Variants in FAM240A observed in about 807,000 individuals in gnomAD.
FAM240A encodes family with sequence similarity 240 member A.
In FAM240A, 8 loss-of-function variants were observed where a neutral mutation model predicts 7.3. The observed-to-expected ratio is 1.09, with a 90% confidence interval of 0.64 to 1.97. FAM240A has a LOEUF of 1.97. FAM240A is among the 30% of genes most tolerant of loss of function. The pLI, the probability that FAM240A is intolerant of heterozygous loss-of-function variation, is 0.00. For missense variants in FAM240A, 90 were observed against 102.2 expected, an observed-to-expected ratio of 0.88 and a Z score of 0.52; for synonymous variants, 32 against 35.9, an observed-to-expected ratio of 0.89 and a Z score of 0.38.
intron 1 of FAM240A, among the ~76,000 whole-genome samples, chr3:46,616,537 A>G (rs913322059): frequency 4.6e-5 from 7 of 152,116 alleles, no homozygotes; most frequent in Non-Finnish European, 7.3e-5. Context: ...TTGCCTTTAT[A>G]AACCCGTGGC....
chr3:46,616,037 C>T (rs908182184), intron 1 of FAM240A, among the ~76,000 whole-genome samples: 7 of 152,182 alleles, frequency 4.6e-5, no homozygotes, highest in East Asian at 3.8e-4. Flanking sequence ...GTTGTGATAA[C>T]GAAATGGACT....
At chr3:46,622,106 CTTTTTTTT>C (rs1171256555) in intron 2 of FAM240A, among the ~76,000 whole-genome samples, 1 of 79,676 alleles carries the variant, frequency 1.3e-5, no homozygotes, top group Non-Finnish European at 2.5e-5. Flanking sequence ...AGAAAATTTT[CTTTTTTTT>C]TTTTTTTTTT....
intron 2 of FAM240A, among the ~76,000 whole-genome samples, chr3:46,619,554 C>G (rs1697672616): frequency 6.6e-6 from 1 of 152,190 alleles, no homozygotes; most frequent in Non-Finnish European, 1.5e-5. Flanking sequence ...GACACAGATG[C>G]TGCCGTCTCC....
chr3:46,618,441 T>C (rs927232430), intron 2 of FAM240A, among the ~76,000 whole-genome samples: 1 of 152,092 alleles, frequency 6.6e-6, no homozygotes, highest in Non-Finnish European at 1.5e-5. Flanking sequence ...GAAGTGAAAT[T>C]GGCCCAAGGA....
rs918335952 is a variant in FAM240A at position 46,622,417 on chromosome 3, C to A, written c.162-2711C>A. The stretch of plus-strand genomic sequence containing the variant: ...CACCGCGCCCGGCTGAGAAAAATTT[C>A]TTTTACAGATTTTGCTTTTGTTGTA... On this transcript the variant is annotated intron_variant, in intron 2 of 2. Coordinates refer to ENST00000640551, the MANE Select transcript of FAM240A (RefSeq NM_001195442.2). Among the ~76,000 whole-genome samples the A allele has an allele frequency of 1.8e-4, 27 of 152,084 alleles. 1 individual carries two copies. The highest frequency in any genetic ancestry group is 1.5e-5 in the Non-Finnish European group (1 of 68,008).
intron 1 of FAM240A, among the ~76,000 whole-genome samples, chr3:46,615,848 ACG>A (rs1207858483): frequency 6.6e-6 from 1 of 150,970 alleles, no homozygotes; most frequent in African/African-American, 2.4e-5. Context: ...ACATGTGTGC[ACG>A]CACACACACA....
chr3:46,618,357 G>A (rs967147514), intron 2 of FAM240A, among the ~76,000 whole-genome samples: 17 of 152,130 alleles, frequency 1.1e-4, no homozygotes, highest in South Asian at 2.1e-4. Context: ...TGCCATCTTC[G>A]TCCCCCAGGC....
In FAM240A at chr3:46,612,668, G is replaced by A. The variant is rs1370775306; in HGVS notation, c.-16G>A. 1.3e-6 allele frequency: 2 copies of A among 1,535,410 alleles called. No homozygotes were observed. Among genetic ancestry groups the A allele is most frequent in the Middle Eastern group, 1.7e-4 (1 of 6,012 alleles). ...ACACATTTGGTTCGACTGAATCGAT[G>A]TCTTCACATCCCTTCATGCGGTTGT... On this transcript the variant is annotated 5_prime_UTR_variant, in exon 1 of 3. It removes an upstream start codon present in the reference 5' UTR. Coordinates refer to ENST00000640551, the MANE Select transcript of FAM240A (RefSeq NM_001195442.2).
intron 1 of FAM240A, among the ~76,000 whole-genome samples, chr3:46,615,559 G>A (rs1697618609): frequency 6.6e-6 from 1 of 152,044 alleles, no homozygotes; most frequent in African/African-American, 2.4e-5. Context: ...CAGAACATCT[G>A]GCAAAATGCC....
At chr3:46,613,424 G>A (rs1697589962) in intron 1 of FAM240A, among the ~76,000 whole-genome samples, 1 of 152,110 alleles carries the variant, frequency 6.6e-6, no homozygotes, top group African/African-American at 2.4e-5. Flanking sequence ...AACCCAGGAG[G>A]TGGAGGTTGC....
chr3:46,621,050 AC>A (rs1273403248), intron 2 of FAM240A, among the ~76,000 whole-genome samples: 7 of 152,170 alleles, frequency 4.6e-5, no homozygotes. Flanking sequence ...TAGTTTCTCT[AC>A]TTTTTTGTAT....
intron 2 of FAM240A, among the ~76,000 whole-genome samples, chr3:46,621,538 C>T (rs1697695150): frequency 6.6e-6 from 1 of 152,144 alleles, no homozygotes; most frequent in African/African-American, 2.4e-5. Flanking sequence ...GAAGCCAAGG[C>T]AGGTAGAACA....
chr3:46,615,144 T>C (rs920963319), intron 1 of FAM240A, among the ~76,000 whole-genome samples: 1 of 152,076 alleles, frequency 6.6e-6, no homozygotes, highest in Admixed American at 6.6e-5. Flanking sequence ...ACATCTGGCT[T>C]CAAACCCCTT....
intron 2 of FAM240A, among the ~76,000 whole-genome samples, chr3:46,619,979 G>T (rs1318795762): frequency 1.3e-5 from 2 of 152,132 alleles, no homozygotes; most frequent in Non-Finnish European, 1.5e-5. Flanking sequence ...TGCTTGACTG[G>T]ATCCAAGAAA....
intron 2 of FAM240A, 130 bp from the exon 3 acceptor site, chr3:46,624,998 C>G: frequency 2.7e-6 from 1 of 373,412 alleles, no homozygotes; most frequent in Non-Finnish European, 4.8e-6. Context: ...CTTGCATGTC[C>G]TCTGCATGCC....
intron 2 of FAM240A, 78 bp downstream of exon 2, chr3:46,617,406 T>C (rs1575385049): frequency 7.5e-7 from 1 of 1,325,286 alleles, no homozygotes; most frequent in East Asian, 2.6e-5. Context: ...AGTTTTAGGT[T>C]CACAGCAAAA....
chr3:46,618,333 A>C (rs893820973), intron 2 of FAM240A, among the ~76,000 whole-genome samples: 2 of 152,194 alleles, frequency 1.3e-5, no homozygotes, highest in Non-Finnish European at 2.9e-5. Flanking sequence ...GTGGCCAGTC[A>C]TTTCTGCAGT....
At chr3:46,624,771 A>G (rs1417225707) in intron 2 of FAM240A, among the ~76,000 whole-genome samples, 1 of 152,058 alleles carries the variant, frequency 6.6e-6, no homozygotes, top group Non-Finnish European at 1.5e-5. Context: ...GCATACGTCT[A>G]AAAATATCTT....
At chr3:46,621,766 C>T (rs896895412) in intron 2 of FAM240A, among the ~76,000 whole-genome samples, 3 of 98,192 alleles carry the variant, frequency 3.1e-5, no homozygotes, top group African/African-American at 9.5e-5. Context: ...ACAGAGACCC[C>T]GCCTTCTCAA....
Sources: gnomAD v4.1 joint callset for allele counts (sites outside exome capture counted in the v4.1 genomes callset) on GRCh38, gnomAD v4.1.1 for gene constraint, MANE v1.5 for transcripts, NCBI Gene and HGNC (gene_info 2026-07-23, HGNC 2026-07-21) for gene names.